The following STAT3 variants were observed in gnomAD, a reference collection of about 807,000 sequenced individuals.
STAT3 encodes DNA-binding protein APRF.
In STAT3, 7 loss-of-function variants were observed where a neutral mutation model predicts 114.3. The observed-to-expected ratio is 0.06, with a 90% CI of 0.03 to 0.11. STAT3 has a LOEUF of 0.11. Ranked by LOEUF, STAT3 falls within the 10% of genes least tolerant of loss-of-function variation. The probability of loss-of-function intolerance (pLI) is 1.00; values close to 1 mark genes in which losing one functional copy is unlikely to be tolerated. For missense variants in STAT3, 364 were observed against 960.9 expected (o/e 0.38, Z 8.21); for synonymous variants, 331 against 354.5 (o/e 0.93, Z 0.74).
At chr17:42,319,954 G>A (rs1376120917) in intron 21 of STAT3, among the ~76,000 whole-genome samples, 2 of 152,130 alleles carry the variant, frequency 1.3e-5, no homozygotes, top group Non-Finnish European at 2.9e-5. Flanking sequence ...CTGAGGAAAC[G>A]CTGACATCGC....
intron 1 of STAT3, among the ~76,000 whole-genome samples, chr17:42,357,338 T>C (rs925608145): frequency 3.3e-5 from 5 of 152,092 alleles, no homozygotes; most frequent in Admixed American, 6.6e-5. Context: ...CTTCATAAAA[T>C]TTTCACCACA....
intron 21 of STAT3, chr17:42,317,470 T>G (rs1278354792): frequency 1.7e-6 from 1 of 589,052 alleles, no homozygotes; most frequent in Non-Finnish European, 3.0e-6. Context: ...CAGAGACTTT[T>G]CAGCATAACC....
At chr17:42,347,532 A>G (rs1043729889) in intron 2 of STAT3, among the ~76,000 whole-genome samples, 2 of 152,192 alleles carry the variant, frequency 1.3e-5, no homozygotes, top group Non-Finnish European at 2.9e-5. Flanking sequence ...CATCTGTGCC[A>G]TTATCTGCTC....
rs1271175166 is a variant in STAT3, at chr17:42,314,847, G to GTTTTTTTT, written c.*897_*898insAAAAAAAA. ...AGCACCAAGGAGGCTGTTAACTGAA[G>GTTTTTTTT]TTTCTTTTTTTTTTTTTTTTTTTTG... On this transcript the variant is annotated 3_prime_UTR_variant, in exon 24 of 24. Coordinates refer to ENST00000264657, the MANE Select transcript of STAT3 (RefSeq NM_139276.3). 3 of 165,012 alleles carry GTTTTTTTT rather than the reference G, an allele frequency of 1.8e-5. No homozygotes were observed. Among genetic ancestry groups the GTTTTTTTT allele is most frequent in the African/African-American group, 8.1e-5 (3 of 36,834 alleles). The allele number at this position is 165,012 out of a possible 1,614,324, so 10.2% of individuals were successfully genotyped here.
intron 1 of STAT3, among the ~76,000 whole-genome samples, chr17:42,384,500 T>A (rs931377253): frequency 1.3e-5 from 2 of 151,938 alleles, no homozygotes; most frequent in African/African-American, 2.4e-5. Context: ...ATTCAATGTC[T>A]TTTGTAAGTA....
At chr17:42,374,610 CAAAAA>C (rs1260078348) in intron 1 of STAT3, among the ~76,000 whole-genome samples, 1 of 120,932 alleles carries the variant, frequency 8.3e-6, no homozygotes, top group Non-Finnish European at 1.7e-5. Flanking sequence ...AACTCCATCT[CAAAAA>C]AAAAAAAAAA....
In STAT3 at chr17:42,384,475, A is replaced by G. The variant is rs1047551105; in HGVS notation, c.-24+3804T>C. On this transcript the variant is annotated intron_variant, in intron 1 of 23. Coordinates refer to ENST00000264657, the MANE Select transcript of STAT3 (RefSeq NM_139276.3). The stretch of plus-strand genomic sequence containing the variant: ...TCCCCTACAAAAGAACAGAACTGAA[A>G]TTCCTTGGTCCTGTATTCAATGTCT... 2.6e-5 allele frequency among the ~76,000 whole-genome samples: 4 copies of G among 151,738 alleles called. No individual in the cohort carries two copies. The East Asian group carries it at 5.8e-4, about 22-fold the overall frequency.
intron 21 of STAT3, among the ~76,000 whole-genome samples, chr17:42,321,648 C>A (rs901679153): frequency 1.3e-5 from 2 of 152,122 alleles, no homozygotes; most frequent in African/African-American, 2.4e-5. Context: ...GACCATCTGG[C>A]ACACTGACAT....
At chr17:42,335,055 C>T (rs766021153) in intron 8 of STAT3, among the ~76,000 whole-genome samples, 18 of 152,206 alleles carry the variant, frequency 1.2e-4, no homozygotes, top group Non-Finnish European at 2.5e-4. Context: ...AGGCCCTTCA[C>T]CATCATGGGC....
At chr17:42,317,278 C>T (rs1490437324) in intron 21 of STAT3, 54 bp from the exon 22 acceptor site, 5 of 1,597,562 alleles carry the variant, frequency 3.1e-6, no homozygotes, top group Non-Finnish European at 4.3e-6. Context: ...ATTCAGTAAG[C>T]AGAGCTGGAG....
At chr17:42,353,284 G>T (rs2145071800) in intron 1 of STAT3, among the ~76,000 whole-genome samples, 1 of 150,340 alleles carries the variant, frequency 6.7e-6, no homozygotes. Context: ...GGAGGCGGAG[G>T]TTGCAGTGGG....
intron 1 of STAT3, among the ~76,000 whole-genome samples, chr17:42,349,813 T>C (rs892707641): frequency 1.3e-5 from 2 of 152,194 alleles, no homozygotes; most frequent in African/African-American, 4.8e-5. Context: ...TCCCAGCACT[T>C]TGGGAGGCCA....
At chr17:42,381,236 C>T (rs902492469) in intron 1 of STAT3, among the ~76,000 whole-genome samples, 1 of 152,120 alleles carries the variant, frequency 6.6e-6, no homozygotes, top group Non-Finnish European at 1.5e-5. Flanking sequence ...ATAGCAATCA[C>T]CTTAGGAATA....
intron 1 of STAT3, among the ~76,000 whole-genome samples, chr17:42,367,497 GT>G (rs1198572933): frequency 3.3e-5 from 5 of 152,014 alleles, no homozygotes; most frequent in African/African-American, 4.8e-5. Flanking sequence ...GCTCACAGCT[GT>G]CCCCTCTCTG....
In STAT3 at chr17:42,334,022, A is replaced by C. The variant is rs200098006; in HGVS notation, c.825T>G (p.Leu275=). The C allele has an allele frequency of 1.6e-4, 265 of 1,614,148 alleles. 2 individuals are homozygous for C. In the East Asian group the frequency reaches 5.1e-3, roughly 31 times the overall value. Residue 275 remains leucine, a synonymous_variant, in exon 9 of 24, where the codon CTT becomes CTG. Coordinates refer to ENST00000264657, the MANE Select transcript of STAT3 (RefSeq NM_139276.3). ...NWITSLAESQ[L]QTRQQIKKLE... ...GTTTCTTAATTTGTTGACGGGTCTG[A>C]AGTTGAGATTCTGCTAATGACGTTA...
In STAT3 at chr17:42,315,930, G is replaced by A. The variant is rs545531357; in HGVS notation, c.2258-130C>T. ...CCAATCTCCTGCCCCTTAAGGCCCA[G>A]GGATGGTCAGAAAAGCCAGATTTAC... On this transcript the variant is annotated intron_variant, in intron 23 of 23. Coordinates refer to ENST00000264657, the MANE Select transcript of STAT3 (RefSeq NM_139276.3). 14 of 1,566,686 alleles carry A rather than the reference G, an allele frequency of 8.9e-6. No homozygotes were observed. In the African/African-American group the frequency reaches 1.8e-4, roughly 20 times the overall value.
At chr17:42,358,259 AT>A (rs200407026) in intron 1 of STAT3, among the ~76,000 whole-genome samples, 8 of 151,990 alleles carry the variant, frequency 5.3e-5, no homozygotes, top group Non-Finnish European at 1.5e-5. Context: ...CTACAAAAAA[AT>A]TTTTTTAAAA....
intron 5 of STAT3, 148 bp from the exon 6 acceptor site, chr17:42,338,960 G>T: frequency 2.7e-6 from 2 of 737,400 alleles, no homozygotes; most frequent in Non-Finnish European, 4.5e-6. Flanking sequence ...CCAAGAGAAG[G>T]CTCCCTGTTG....
At chr17:42,364,128 C>A (rs2083656275) in intron 1 of STAT3, among the ~76,000 whole-genome samples, 1 of 152,158 alleles carries the variant, frequency 6.6e-6, no homozygotes, top group Non-Finnish European at 1.5e-5. Flanking sequence ...ATAACCACCA[C>A]CTCCCATTAC....
Sources: gnomAD v4.1 joint callset for allele counts (sites outside exome capture counted in the v4.1 genomes callset) on GRCh38, gnomAD v4.1.1 for gene constraint, MANE v1.5 for transcripts, NCBI Gene and HGNC (gene_info 2026-07-23, HGNC 2026-07-21) for gene names.